The following LOXHD1 variants were observed in gnomAD, a reference collection of about 807,000 sequenced individuals.
LOXHD1 encodes lipoxygenase homology PLAT domains 1, also known as lipoxygenase homology domain-containing protein 1.
In LOXHD1, 205 loss-of-function variants were observed where a neutral mutation model predicts 248.2. The ratio of observed to expected loss-of-function variants is 0.83; its 90% CI spans 0.74 to 0.93. The LOEUF is 0.93. Ranked by LOEUF, LOXHD1 falls within the 40% of genes least tolerant of loss-of-function variation. The pLI is 0.00. For missense variants in LOXHD1, 2,930 were observed against 2,971.6 expected, an observed-to-expected ratio of 0.99 and a Z score of 0.33; for synonymous variants, 1,113 against 1,162.8, an observed-to-expected ratio of 0.96 and a Z score of 0.87.
intron 2 of LOXHD1, among the ~76,000 whole-genome samples, chr18:46,647,351 A>G (rs1012790464): frequency 6.6e-6 from 1 of 152,216 alleles, no homozygotes; most frequent in African/African-American, 2.4e-5. Flanking sequence ...GCCCTTCCTG[A>G]GAAGACCTTT....
intron 34 of LOXHD1, among the ~76,000 whole-genome samples, chr18:46,512,857 T>C (rs950592169): frequency 2.0e-5 from 3 of 152,152 alleles, no homozygotes; most frequent in Admixed American, 1.3e-4. Context: ...TATGCAGCAA[T>C]GAAAATGAGC....
At chr18:46,605,469 G>A (rs1029516090) in intron 6 of LOXHD1, among the ~76,000 whole-genome samples, 6 of 152,124 alleles carry the variant, frequency 3.9e-5, no homozygotes, top group Non-Finnish European at 8.8e-5. Flanking sequence ...AGCCGGGATC[G>A]TGCCACTGTA....
intron 2 of LOXHD1, among the ~76,000 whole-genome samples, chr18:46,648,907 G>T (rs1056718338): frequency 1.3e-5 from 2 of 152,200 alleles, no homozygotes; most frequent in African/African-American, 2.4e-5. Flanking sequence ...CAGCTAATAT[G>T]GATTCTTGGG....
At chr18:46,560,048 T>TGCCTGGGCCCC in intron 19 of LOXHD1, 35 bp downstream of exon 19, 1 of 1,226,298 alleles carries the variant, frequency 8.2e-7, no homozygotes, top group Non-Finnish European at 1.1e-6. Flanking sequence ...GTCTGGCCAC[T>TGCCTGGGCCCC]CCCTCCCCAC....
At chr18:46,583,682 CAAAA>C (rs1317613531) in intron 12 of LOXHD1, among the ~76,000 whole-genome samples, 3 of 151,830 alleles carry the variant, frequency 2.0e-5, no homozygotes, top group Non-Finnish European at 2.9e-5. Context: ...ATCAAAAAAA[CAAAA>C]GAAGTGTTGG....
chr18:46,576,757 C>T lies in LOXHD1; in HGVS notation c.1970+950G>A, dbSNP rs559389385. ...CTATGGAGCCCTCCCAGTGGCCCTC[C>T]GTGGCTGGGAAACTACTGGGCCTGG... is the stretch of plus-strand genomic sequence containing the variant. On this transcript the variant is annotated intron_variant, in intron 14 of 40. Coordinates refer to ENST00000642948, the MANE Select transcript of LOXHD1 (RefSeq NM_001384474.1). Among the ~76,000 whole-genome samples the T allele has an allele frequency of 3.3e-5, 5 of 152,314 alleles. No homozygotes were observed. In the East Asian group the frequency reaches 7.7e-4, roughly 24 times the overall value.
chr18:46,581,902 T>G (rs192531637), intron 12 of LOXHD1, among the ~76,000 whole-genome samples: 133 of 152,356 alleles, frequency 8.7e-4, no homozygotes, highest in South Asian at 7.3e-3. Context: ...GGATGATATA[T>G]TCAATGTGCA....
intron 37 of LOXHD1, among the ~76,000 whole-genome samples, chr18:46,501,162 T>C (rs1598856867): frequency 6.6e-6 from 1 of 152,318 alleles, no homozygotes; most frequent in East Asian, 1.9e-4. Context: ...CTTTGTGGAT[T>C]TGGCTATTTG....
chr18:46,580,432 A>G (rs999614039), intron 12 of LOXHD1, among the ~76,000 whole-genome samples: 2 of 152,272 alleles, frequency 1.3e-5, no homozygotes, highest in African/African-American at 4.8e-5. Context: ...TGGGAAGGGC[A>G]GCAACTTCTT....
Position 46,577,868 on chromosome 18 carries a change from C to T in LOXHD1, c.1810-1G>A, listed in dbSNP as rs2144135103. On this transcript the variant is annotated splice_acceptor_variant, in intron 13 of 40. Coordinates refer to ENST00000642948, the MANE Select transcript of LOXHD1 (RefSeq NM_001384474.1). LOFTEE classifies it high-confidence loss of function. ...CAGACTCGATAGTGAACTCGTCAGC[C>T]TTGTGGGGGGAAACCACAAGGCCAG... The T allele has an allele frequency of 6.4e-7, 1 of 1,551,598 alleles. No individual in the cohort carries two copies. The highest frequency in any genetic ancestry group is 1.2e-5 in the South Asian group (1 of 84,044).
At chr18:46,572,037 C>T (rs2037761582) in intron 15 of LOXHD1, 49 bp downstream of exon 15, 5 of 1,486,954 alleles carry the variant, frequency 3.4e-6, no homozygotes, top group Non-Finnish European at 4.6e-6. Context: ...AGGGAAGGCC[C>T]CTGTCTCACC....
chr18:46,632,841 G>A (rs866401229), intron 4 of LOXHD1, among the ~76,000 whole-genome samples: 7 of 152,106 alleles, frequency 4.6e-5, no homozygotes, highest in Admixed American at 4.6e-4. Flanking sequence ...TCCCTGTGCC[G>A]GCTCTGTGTA....
intron 22 of LOXHD1, among the ~76,000 whole-genome samples, chr18:46,545,871 C>T (rs1046838479): frequency 4.0e-5 from 6 of 151,696 alleles, no homozygotes; most frequent in South Asian, 2.1e-4. Context: ...CCTCGTGATC[C>T]GCCCGCCTCG....
chr18:46,588,633 G>C (rs777737283), intron 12 of LOXHD1, among the ~76,000 whole-genome samples: 1 of 152,096 alleles, frequency 6.6e-6, no homozygotes, highest in Non-Finnish European at 1.5e-5. Context: ...CAACTTTCTG[G>C]ACAGGAAGCT....
intron 5 of LOXHD1, among the ~76,000 whole-genome samples, chr18:46,612,330 T>C (rs79137719): frequency 0.023 from 3,574 of 152,292 alleles, 133 homozygotes; most frequent in East Asian, 0.073. Flanking sequence ...AATGGTTGTA[T>C]TACATTAATT....
chr18:46,574,692 G>A (rs116816910), intron 14 of LOXHD1, among the ~76,000 whole-genome samples: 161 of 151,318 alleles, frequency 1.1e-3, no homozygotes, highest in African/African-American at 3.9e-3. Context: ...TGAGGCCTCC[G>A]CTTCTCTTCC....
chr18:46,496,799 T>G (rs1355535867), intron 37 of LOXHD1, among the ~76,000 whole-genome samples: 1 of 152,144 alleles, frequency 6.6e-6, no homozygotes, highest in Admixed American at 6.5e-5. Context: ...GGTCAGGAGT[T>G]TGAGTCCAGC....
At chr18:46,570,478 T>C (rs1386072471) in intron 15 of LOXHD1, among the ~76,000 whole-genome samples, 1 of 152,200 alleles carries the variant, frequency 6.6e-6, no homozygotes, top group Non-Finnish European at 1.5e-5. Context: ...TGAGCACACC[T>C]TGCCTAGGGA....
intron 31 of LOXHD1, among the ~76,000 whole-genome samples, chr18:46,523,605 G>A (rs1484462911): frequency 1.3e-5 from 2 of 152,168 alleles, no homozygotes; most frequent in African/African-American, 2.4e-5. Context: ...TTTCTCAATA[G>A]CTTGGAAGAC....
Sources: allele counts gnomAD v4.1 joint callset (sites outside exome capture counted in the v4.1 genomes callset), GRCh38; gene constraint gnomAD v4.1.1; transcripts MANE v1.5; gene names NCBI Gene and HGNC (gene_info 2026-07-23, HGNC 2026-07-21).